TBC1D5: variants seen among roughly 807,000 people sequenced by gnomAD.
TBC1D5 encodes TBC1 domain family member 5.
Under a neutral mutation model 100.3 loss-of-function variants are expected in TBC1D5, and 75 were observed. That is an observed-to-expected ratio of 0.75 (90% CI 0.62 to 0.91). The LOEUF is 0.91. Among genes scored for constraint, TBC1D5 ranks in the 40% least tolerant of loss-of-function variants. The probability of loss-of-function intolerance (pLI) is 0.00; values close to 1 mark genes in which losing one functional copy is unlikely to be tolerated. For missense variants in TBC1D5, 910 were observed against 942.4 expected (o/e 0.97, Z 0.45); for synonymous variants, 323 against 325.6 (o/e 0.99, Z 0.09).
intron 15 of TBC1D5, among the ~76,000 whole-genome samples, chr3:17,277,167 A>C (rs978333828): frequency 6.6e-6 from 1 of 152,336 alleles, no homozygotes. Flanking sequence ...TACATATTTT[A>C]TTCTCAAGAA....
chr3:17,507,996 A>G (rs1273414246), intron 3 of TBC1D5, among the ~76,000 whole-genome samples: 1 of 152,062 alleles, frequency 6.6e-6, no homozygotes, highest in Non-Finnish European at 1.5e-5. Flanking sequence ...TTTAAAATAT[A>G]ACACAAATTT....
At chr3:17,703,761 A>C (rs1196646157) in intron 1 of TBC1D5, among the ~76,000 whole-genome samples, 1 of 152,194 alleles carries the variant, frequency 6.6e-6, no homozygotes, top group Non-Finnish European at 1.5e-5. Context: ...AGAGTCTGGG[A>C]ATAGAACCCA....
intron 15 of TBC1D5, among the ~76,000 whole-genome samples, chr3:17,281,721 G>A (rs563129200): frequency 3.9e-5 from 6 of 152,246 alleles, no homozygotes; most frequent in East Asian, 1.9e-4. Flanking sequence ...TAAAGTAGCT[G>A]ATTATTATAG....
intron 2 of TBC1D5, among the ~76,000 whole-genome samples, chr3:17,560,334 T>A (rs563271781): frequency 6.6e-6 from 1 of 152,312 alleles, no homozygotes; most frequent in African/African-American, 2.4e-5. Flanking sequence ...AAGGCAAATA[T>A]AGTCCAGACT....
chr3:17,715,490 A>G (rs1346585601), intron 1 of TBC1D5, among the ~76,000 whole-genome samples: 2 of 152,248 alleles, frequency 1.3e-5, no homozygotes, highest in Admixed American at 1.3e-4. Context: ...TTCAAATAAC[A>G]TAAAAGAAGG....
chr3:17,522,855 C>T (rs1453724203), intron 2 of TBC1D5, among the ~76,000 whole-genome samples: 1 of 152,134 alleles, frequency 6.6e-6, no homozygotes, highest in African/African-American at 2.4e-5. Flanking sequence ...GAAATCATTG[C>T]ATAAATAATT....
chr3:17,614,791 G>C (rs983538878), intron 2 of TBC1D5, among the ~76,000 whole-genome samples: 1 of 152,164 alleles, frequency 6.6e-6, no homozygotes, highest in Non-Finnish European at 1.5e-5. Context: ...GGGCTGAGAT[G>C]ATGGGGCATT....
intron 13 of TBC1D5, among the ~76,000 whole-genome samples, chr3:17,343,779 T>C (rs1201329227): frequency 5.3e-5 from 8 of 152,328 alleles, no homozygotes; most frequent in East Asian, 1.9e-4. Flanking sequence ...TATTCTCTGA[T>C]GGTAGGTTGT....
intron 2 of TBC1D5, among the ~76,000 whole-genome samples, chr3:17,539,435 G>C (rs2096325087): frequency 6.6e-6 from 1 of 152,236 alleles, no homozygotes; most frequent in African/African-American, 2.4e-5. Flanking sequence ...GCCTATAAGA[G>C]ACAGTTTTGC....
chr3:17,480,117 C>A (rs1371676471), intron 3 of TBC1D5, among the ~76,000 whole-genome samples: 1 of 152,218 alleles, frequency 6.6e-6, no homozygotes, highest in Non-Finnish European at 1.5e-5. Context: ...GGTGTGCACA[C>A]ACATAGGGCG....
chr3:17,394,074 A>C (rs2093432918), intron 8 of TBC1D5, among the ~76,000 whole-genome samples: 1 of 152,136 alleles, frequency 6.6e-6, no homozygotes, highest in Admixed American at 6.6e-5. Flanking sequence ...GGATCTGCTA[A>C]ACATCCTACA....
chr3:17,408,112 C>G (rs1207664915), intron 4 of TBC1D5, among the ~76,000 whole-genome samples: 8 of 152,024 alleles, frequency 5.3e-5, no homozygotes, highest in African/African-American at 1.9e-4. Flanking sequence ...AGCTACACAG[C>G]TCACTAGTTA....
At chr3:17,362,354 A>T (rs1036683555) in intron 13 of TBC1D5, among the ~76,000 whole-genome samples, 1 of 152,226 alleles carries the variant, frequency 6.6e-6, no homozygotes, top group Non-Finnish European at 1.5e-5. Context: ...TTGGGGGACA[A>T]TTTGCAAATG....
intron 1 of TBC1D5, among the ~76,000 whole-genome samples, chr3:17,726,700 C>T (rs551846068): frequency 1.3e-5 from 2 of 152,134 alleles, no homozygotes; most frequent in African/African-American, 4.8e-5. Context: ...TTTGCTGCTA[C>T]GCATGTTAGC....
At chr3:17,205,858 A>G (rs2072104719) in intron 18 of TBC1D5, among the ~76,000 whole-genome samples, 1 of 152,204 alleles carries the variant, frequency 6.6e-6, no homozygotes, top group South Asian at 2.1e-4. Context: ...TACCACACTA[A>G]GGATGGCAGA....
intron 2 of TBC1D5, among the ~76,000 whole-genome samples, chr3:17,553,776 C>T (rs1372599407): frequency 6.6e-6 from 1 of 152,096 alleles, no homozygotes; most frequent in Non-Finnish European, 1.5e-5. Context: ...ATTCTAAAAT[C>T]CCGAAAATTA....
chr3:17,305,736 T>C (rs191207862), intron 14 of TBC1D5, among the ~76,000 whole-genome samples: 1 of 152,312 alleles, frequency 6.6e-6, no homozygotes, highest in East Asian at 1.9e-4. Flanking sequence ...AGCTGGAGAT[T>C]CTTCTAGATT....
intron 1 of TBC1D5, among the ~76,000 whole-genome samples, chr3:17,736,094 G>T (rs1317022765): frequency 6.6e-6 from 1 of 152,018 alleles, no homozygotes; most frequent in African/African-American, 2.4e-5. Context: ...TACCTGATTG[G>T]TTGGGTATGA....
At position 17,374,494 on chromosome 3, in the gene TBC1D5, T is replaced by C. The variant is rs572577483; in HGVS notation, c.799A>G (p.Thr267Ala). 5 of 1,612,016 alleles carry C rather than the reference T, an allele frequency of 3.1e-6. No homozygotes were observed. The South Asian group carries it at 3.3e-5, about 11-fold the overall frequency. The change falls in exon 12 of 22, where the codon ACT becomes GCT. Residue 267 changes from threonine (T) to alanine (A), a missense_variant. By Grantham distance (58) the Thr-to-Ala change is moderately conservative (BLOSUM62 0). Transcript: ENST00000253692. ...ACCTTCTGACCATCATGCTCAAAAG[T>C]TGAAAACCAAGGTTCAGCAGTTTCC...
Sources: allele counts gnomAD v4.1 joint callset (sites outside exome capture counted in the v4.1 genomes callset), GRCh38; gene constraint gnomAD v4.1.1; transcripts MANE v1.5; gene names NCBI Gene and HGNC (gene_info 2026-07-23, HGNC 2026-07-21).